Variants in ETFDH observed in about 807,000 individuals in gnomAD.
ETFDH encodes the protein electron transfer flavoprotein dehydrogenase.
ETFDH carries 61 observed loss-of-function variants against 73.2 expected under a neutral mutation model. That is an observed-to-expected ratio of 0.83 (90% CI 0.68 to 1.03). ETFDH has a LOEUF of 1.03. Ranked by LOEUF, ETFDH falls within the 50% of genes least tolerant of loss-of-function variation. The pLI is 0.00. For missense variants in ETFDH, 685 were observed against 745.0 expected (o/e 0.92, Z 0.94); for synonymous variants, 243 against 253.3 (o/e 0.96, Z 0.39).
chr4:158,703,895 G>A (rs1474143143), intron 10 of ETFDH, among the ~76,000 whole-genome samples: 3 of 152,140 alleles, frequency 2.0e-5, no homozygotes, highest in Non-Finnish European at 4.4e-5. Context: ...TCAGGAGCTC[G>A]AGACTAGCCT....
In ETFDH at chr4:158,691,782, A is replaced by T. The variant is rs142497808; in HGVS notation, c.684+1357A>T. 1.2e-4 allele frequency among the ~76,000 whole-genome samples: 19 copies of T among 152,318 alleles called. No homozygotes were observed. In the East Asian group the frequency reaches 3.7e-3, roughly 29 times the overall value. On this transcript the variant is annotated intron_variant, in intron 6 of 12. Transcript: ENST00000511912. The stretch of plus-strand genomic sequence containing the variant: ...GAAAGCAAAACCGTTAGAACATAGA[A>T]TTCTCACTCTTTGGAAAAGATAAGG...
chr4:158,695,713 G>C, intron 7 of ETFDH, 70 bp downstream of exon 7: 3 of 1,011,728 alleles, frequency 3.0e-6, no homozygotes, highest in Non-Finnish European at 4.7e-6. Context: ...TTATCAGGTA[G>C]TTTATAATAC....
intron 12 of ETFDH, among the ~76,000 whole-genome samples, 175 bp downstream of exon 12, chr4:158,707,025 A>C (rs1774642426): frequency 6.6e-6 from 1 of 151,718 alleles, no homozygotes; most frequent in African/African-American, 2.4e-5. Flanking sequence ...AGCCTAGTTC[A>C]GATAACATTT....
intron 3 of ETFDH, 134 bp downstream of exon 3, chr4:158,682,558 A>T (rs561698553): frequency 1.2e-4 from 89 of 717,490 alleles, no homozygotes; most frequent in Non-Finnish European, 1.8e-4. Flanking sequence ...TTTGAGATGG[A>T]GTTTCACTCT....
Position 158,680,739 on chromosome 4 carries a change from G to C in ETFDH, c.175+132G>C. 4 of 750,850 alleles carry C rather than the reference G, an allele frequency of 5.3e-6. No homozygotes were observed. In the South Asian group the frequency reaches 6.2e-5, roughly 12 times the overall value. The allele number at this position is 750,850 out of a possible 1,614,324, so 46.5% of individuals were successfully genotyped here. ...ATTTTGTGGCTTTACCAAGTCACAT[G>C]CTGCATAATGACCCTTCAGTCAACA... On this transcript the variant is annotated intron_variant, in intron 2 of 12. Transcript: ENST00000511912.
chr4:158,683,554 G>GT (rs1488514706), intron 3 of ETFDH, among the ~76,000 whole-genome samples: 1 of 152,062 alleles, frequency 6.6e-6, no homozygotes, highest in Non-Finnish European at 1.5e-5. Context: ...AATAGAAAAT[G>GT]TTTTTCATGT....
At chr4:158,672,673 A>G (rs748781282) in intron 1 of ETFDH, among the ~76,000 whole-genome samples, 183 bp downstream of exon 1, 1 of 152,100 alleles carries the variant, frequency 6.6e-6, no homozygotes, top group Non-Finnish European at 1.5e-5. Flanking sequence ...GGGTTGCCCC[A>G]GTTGGTAGAA....
intron 12 of ETFDH, 97 bp downstream of exon 12, chr4:158,706,947 CT>C: frequency 1.2e-6 from 1 of 800,760 alleles, no homozygotes. Context: ...CCTTCCATTC[CT>C]TAGAAATTGT....
intron 10 of ETFDH, 57 bp from the exon 11 acceptor site, chr4:158,706,132 G>A (rs994790222): frequency 2.3e-5 from 27 of 1,166,876 alleles, no homozygotes; most frequent in East Asian, 9.3e-5. Context: ...AATACTTAGC[G>A]TATTTTACAC....
chr4:158,680,408 CAGTCTACTGAGGAA>C, intron 1 of ETFDH, 45 bp from the exon 2 acceptor site: 1 of 1,227,030 alleles, frequency 8.1e-7, no homozygotes, highest in Non-Finnish European at 1.2e-6. Context: ...TATATTTTTT[CAGTCTACTGAGGAA>C]AACTAATTTT....
At chr4:158,689,136 A>G (rs1774090105) in intron 5 of ETFDH, among the ~76,000 whole-genome samples, 1 of 152,236 alleles carries the variant, frequency 6.6e-6, no homozygotes, top group Admixed American at 6.5e-5. Flanking sequence ...GCTAAAGGAA[A>G]TGCTGAAAGA....
chr4:158,706,157 T>C, intron 10 of ETFDH, 32 bp from the exon 11 acceptor site: 1 of 1,466,266 alleles, frequency 6.8e-7, no homozygotes, highest in Non-Finnish European at 9.6e-7. Context: ...TTGGGCAGTT[T>C]CGCACTTAAC....
intron 10 of ETFDH, among the ~76,000 whole-genome samples, chr4:158,705,852 G>A (rs773962544): frequency 2.6e-5 from 4 of 152,148 alleles, no homozygotes; most frequent in Non-Finnish European, 5.9e-5. Context: ...AGGCTGAGGC[G>A]GGCATATCAC....
rs765239908 is a variant in ETFDH, at chr4:158,697,570, T to A, written c.843T>A (p.Ile281=). ...TTTTTTTTTTTTAGTTATGGGTTAT[T>A]GATGAAAAGAACTGGAAACCTGGGA... is the stretch of plus-strand genomic sequence containing the variant. The part of the protein sequence containing the change: ...YGIGLKELWV[I]DEKNWKPGRV... The change falls in exon 8 of 13, where the codon ATT becomes ATA. Residue 281 remains isoleucine, a synonymous_variant. Transcript: ENST00000511912. The A allele has an allele frequency of 1.2e-6, 2 of 1,613,040 alleles. No homozygotes were observed. Among genetic ancestry groups the A allele is most frequent in the Non-Finnish European group, 1.7e-6 (2 of 1,179,712 alleles).
chr4:158,702,157 T>G (rs1451457505), intron 9 of ETFDH, among the ~76,000 whole-genome samples: 1 of 111,438 alleles, frequency 9.0e-6, no homozygotes, highest in Non-Finnish European at 2.3e-5. Flanking sequence ...AATCACAGGT[T>G]TTTTTTTTTT....
At chr4:158,698,845 T>C (rs1439986295) in intron 8 of ETFDH, 142 bp from the exon 9 acceptor site, 2 of 600,844 alleles carry the variant, frequency 3.3e-6, no homozygotes, top group African/African-American at 3.7e-5. Context: ...AATTTACATT[T>C]GGATTACTGC....
chr4:158,692,263 A>T (rs555571079), intron 6 of ETFDH, among the ~76,000 whole-genome samples: 2 of 152,122 alleles, frequency 1.3e-5, no homozygotes, highest in East Asian at 3.9e-4. Context: ...AGCCGGGCGT[A>T]GTGGCGCACG....
At chr4:158,701,880 T>C (rs1345117313) in intron 9 of ETFDH, among the ~76,000 whole-genome samples, 2 of 152,246 alleles carry the variant, frequency 1.3e-5, no homozygotes, top group Non-Finnish European at 2.9e-5. Context: ...TATGGACATT[T>C]ATTGTCTAAA....
rs79983534 is a variant in ETFDH at position 158,695,829 on chromosome 4, A to G, written c.831+186A>G. On this transcript the variant is annotated intron_variant, in intron 7 of 12. Coordinates refer to ENST00000511912, the MANE Select transcript of ETFDH (RefSeq NM_004453.4). ...GCTAGAAGATATTACTGATCAAATT[A>G]TATTACTGGTTAAGTTAGTTTTACA... Among the ~76,000 whole-genome samples, 647 of 152,348 alleles carry G rather than the reference A, an allele frequency of 4.2e-3. 8 individuals are homozygous for G. Among genetic ancestry groups the G allele is most frequent in the African/African-American group, 0.015 (614 of 41,574 alleles).
Sources: gnomAD v4.1 joint callset for allele counts (sites outside exome capture counted in the v4.1 genomes callset) on GRCh38, gnomAD v4.1.1 for gene constraint, MANE v1.5 for transcripts, NCBI Gene and HGNC (gene_info 2026-07-23, HGNC 2026-07-21) for gene names.